COCH: variants seen among roughly 807,000 people sequenced by gnomAD.
COCH encodes the protein coagulation factor C homolog, cochlin (Limulus polyphemus).
In COCH, 40 loss-of-function variants were observed where a neutral mutation model predicts 54.8. That is an observed-to-expected ratio of 0.73 (90% confidence interval 0.57 to 0.95). The LOEUF (loss-of-function observed/expected upper bound fraction) is 0.95, where lower values mean the gene tolerates loss of function less well. Among genes scored for constraint, COCH ranks in the 40% least tolerant of loss-of-function variants. The probability of loss-of-function intolerance (pLI) is 0.00; values close to 1 mark genes in which losing one functional copy is unlikely to be tolerated. For missense variants in COCH, 605 were observed against 675.0 expected (o/e 0.90, Z 1.15); for synonymous variants, 256 against 237.9 (o/e 1.08, Z -0.70).
chr14:30,877,861 T>C lies in COCH; in HGVS notation c.239+133T>C. The C allele has an allele frequency of 1.4e-6, 2 of 1,466,312 alleles. No homozygotes were observed. The highest frequency in any genetic ancestry group is 1.8e-6 in the Non-Finnish European group (2 of 1,082,422). The allele number at this position is 1,466,312 out of a possible 1,614,324, so 90.8% of individuals were successfully genotyped here. On this transcript the variant is annotated intron_variant, in intron 4 of 11. Transcript: ENST00000396618. This position sits in a 1 kb window ranked among gnomAD's most constrained non-coding sequence, Gnocchi z 8.6. ...ATTGTGGCCACAGAAAATGGATATA[T>C]TTTCACGGTTCTCCTGGATATACTT...
intron 11 of COCH, among the ~76,000 whole-genome samples, chr14:30,887,533 C>T (rs1284674923): frequency 2.0e-5 from 3 of 152,148 alleles, no homozygotes; most frequent in Admixed American, 6.5e-5. Flanking sequence ...GCACAGGCCT[C>T]GTTCCTGAAG....
At chr14:30,882,125 T>TTTTTG (rs1566410369) in intron 8 of COCH, among the ~76,000 whole-genome samples, 1 of 97,756 alleles carries the variant, frequency 1.0e-5, no homozygotes, top group Non-Finnish European at 2.1e-5. Context: ...AAATGGTTTT[T>TTTTTG]TTTTTTTTTT....
intron 6 of COCH, 110 bp from the exon 7 acceptor site, chr14:30,880,342 A>G: frequency 6.7e-7 from 1 of 1,503,706 alleles, no homozygotes; most frequent in Non-Finnish European, 9.0e-7. Context: ...ATTTTTTTAA[A>G]AAAGTCCTTT....
At chr14:30,889,292 A>C (rs1294311745) in intron 11 of COCH, 1 of 312,094 alleles carries the variant, frequency 3.2e-6, no homozygotes, top group East Asian at 8.2e-5. Context: ...GGATCAGGTT[A>C]AAAGTCTTCT....
intron 6 of COCH, 56 bp from the exon 7 acceptor site, chr14:30,880,396 T>C: frequency 1.2e-6 from 2 of 1,605,262 alleles, no homozygotes; most frequent in Non-Finnish European, 1.7e-6. Context: ...CCATGTGGGT[T>C]TCTTGCTATG....
At chr14:30,893,941 C>G (rs1220980388), downstream of COCH, 1 of 152,472 alleles carries the variant, frequency 6.6e-6, no homozygotes, top group Non-Finnish European at 1.5e-5. Context: ...TTTTCAACAG[C>G]TGTATGTTTG....
intron 4 of COCH, among the ~76,000 whole-genome samples, chr14:30,878,262 G>A (rs1895441062): frequency 6.6e-6 from 1 of 152,312 alleles, no homozygotes. Flanking sequence ...TAAGTTGTGG[G>A]TAATGGGATA....
At position 30,885,526 on chromosome 14, in the gene COCH, C is replaced by T; in HGVS notation, c.866C>T (p.Ala289Val). The change falls in exon 10 of 12, where the codon GCC becomes GTC. Residue 289 changes from alanine (A) to valine (V), a missense_variant. Physicochemically the swap from Ala to Val is moderately conservative, Grantham distance 64. Coordinates refer to ENST00000396618, the MANE Select transcript of COCH (RefSeq NM_004086.3). ...SDDIEEAGIV[A>V]REFGVNVFIV... ...GACATCGAGGAAGCAGGCATTGTGG[C>T]CAGAGAGTTTGGTGTCAATGTATTT... The T allele has an allele frequency of 6.2e-7, 1 of 1,612,972 alleles. No homozygotes were observed. The highest frequency in any genetic ancestry group is 1.1e-5 in the South Asian group (1 of 91,050).
downstream of COCH, chr14:30,894,892 T>C: frequency 1.2e-6 from 1 of 820,730 alleles, no homozygotes; most frequent in Non-Finnish European, 1.6e-6. Flanking sequence ...ATTTTCTTTT[T>C]CTTTTTTTTT....
At chr14:30,889,504 A>G (rs1895909249) in intron 11 of COCH, 112 bp from the exon 12 acceptor site, 1 of 905,930 alleles carries the variant, frequency 1.1e-6, no homozygotes, top group South Asian at 1.5e-5. Context: ...TCCAGAAATT[A>G]GTAAGCAGTT....
In COCH at chr14:30,889,721, C is replaced by T; in HGVS notation, c.1583C>T (p.Thr528Ile). The T allele has an allele frequency of 1.9e-6, 3 of 1,614,018 alleles. No homozygotes were observed. Among genetic ancestry groups the T allele is most frequent in the Non-Finnish European group, 2.5e-6 (3 of 1,179,916 alleles). ...CATGCTTTCTTCACAAGAGAGTTCACAGGATTAGAACCAATTGTTTCTGAT... is the reference window on the plus strand; with the variant it reads ...CATGCTTTCTTCACAAGAGAGTTCATAGGATTAGAACCAATTGTTTCTGAT... Reference protein sequence around the residue: ...ESHAFFTREFTGLEPIVSDVI... With the variant: ...ESHAFFTREFIGLEPIVSDVI... The change falls in exon 12 of 12, where the codon ACA becomes ATA. Residue 528 changes from threonine (T) to isoleucine (I), a missense_variant. By Grantham distance (89) the Thr-to-Ile change is moderately conservative (BLOSUM62 -1). Coordinates refer to ENST00000396618, the MANE Select transcript of COCH (RefSeq NM_004086.3).
At chr14:30,878,672 A>C in intron 4 of COCH, 139 bp from the exon 5 acceptor site, 1 of 1,238,998 alleles carries the variant, frequency 8.1e-7, no homozygotes, top group Non-Finnish European at 1.1e-6. Flanking sequence ...TAAATAAATA[A>C]AGCAGAATCT....
downstream of COCH, among the ~76,000 whole-genome samples, chr14:30,892,751 G>A (rs536203735): frequency 1.1e-4 from 17 of 151,972 alleles, no homozygotes; most frequent in Non-Finnish European, 2.2e-4. Context: ...AGGTTGCAGC[G>A]TGCCGAGATC....
At chr14:30,887,219 C>T (rs1368463581) in intron 11 of COCH, among the ~76,000 whole-genome samples, 1 of 151,890 alleles carries the variant, frequency 6.6e-6, no homozygotes, top group Non-Finnish European at 1.5e-5. Flanking sequence ...CATGGTAAAA[C>T]CCAGTCTCTA....
At position 30,881,570 on chromosome 14, in the gene COCH, C is replaced by T. The variant is rs1168677030; in HGVS notation, c.629+836C>T. Among the ~76,000 whole-genome samples the T allele has an allele frequency of 1.3e-5, 2 of 152,174 alleles. 1 individual carries two copies. The highest frequency in any genetic ancestry group is 4.1e-4 in the South Asian group (2 of 4,836). ...GGAAGAAGCAGTGATATGTCTATTC[C>T]ACCTCCCTATTCTGTTATTCTTTTT... On this transcript the variant is annotated intron_variant, in intron 8 of 11. Transcript: ENST00000396618.
At chr14:30,880,933 G>C (rs555152457) in intron 8 of COCH, among the ~76,000 whole-genome samples, 199 bp downstream of exon 8, 1 of 152,046 alleles carries the variant, frequency 6.6e-6, no homozygotes, top group Non-Finnish European at 1.5e-5. Context: ...ATCAAATGAG[G>C]CCGGGTGCAG....
intron 3 of COCH, chr14:30,875,372 C>A (rs544741461): frequency 8.3e-6 from 5 of 605,528 alleles, no homozygotes; most frequent in Non-Finnish European, 1.5e-5. Context: ...CCAGGCCCAC[C>A]CACAGCCCCA....
chr14:30,889,994 C>G lies in COCH; in HGVS notation c.*203C>G, dbSNP rs1895929855. 1 of 1,297,326 alleles carries G rather than the reference C, an allele frequency of 7.7e-7. No homozygotes were observed. The highest frequency in any genetic ancestry group is 9.8e-7 in the Non-Finnish European group (1 of 1,020,678). The allele number at this position is 1,297,326 out of a possible 1,614,324, so 80.4% of individuals were successfully genotyped here. On this transcript the variant is annotated 3_prime_UTR_variant, in exon 12 of 12. Transcript: ENST00000396618. ...ACAGTGTACTTTGTTAAAAACACTG[C>G]TGAGGCTTCATAATCATGGCTCTTA...
intron 3 of COCH, chr14:30,875,608 G>T: frequency 5.6e-6 from 2 of 355,298 alleles, no homozygotes; most frequent in Non-Finnish European, 1.0e-5. Flanking sequence ...CCTATAATCA[G>T]AAGCACTCGC....
Sources: allele counts gnomAD v4.1 joint callset (sites outside exome capture counted in the v4.1 genomes callset), GRCh38; gene constraint gnomAD v4.1.1; non-coding constraint Gnocchi (gnomAD v3.1); transcripts MANE v1.5; gene names NCBI Gene and HGNC (gene_info 2026-07-23, HGNC 2026-07-21).